COL26A1: variants seen among roughly 807,000 people sequenced by gnomAD.
COL26A1 encodes the protein collagen type XXVI alpha 1 chain, also known as collagen alpha-1(XXVI) chain.
COL26A1 carries 41 observed loss-of-function variants against 59.3 expected under a neutral mutation model. The ratio of observed to expected loss-of-function variants is 0.69; its 90% CI spans 0.54 to 0.90. The LOEUF (loss-of-function observed/expected upper bound fraction) is 0.90. Ranked by LOEUF, COL26A1 falls within the 40% of genes least tolerant of loss-of-function variation. COL26A1 has a pLI of 0.00. For synonymous variants in COL26A1, 266 were observed against 256.0 expected (o/e 1.04, Z -0.37); for missense variants, 612 against 602.3 (o/e 1.02, Z -0.17).
intron 2 of COL26A1, among the ~76,000 whole-genome samples, chr7:101,436,553 G>A (rs887395153): frequency 2.6e-5 from 4 of 151,988 alleles, no homozygotes; most frequent in Admixed American, 6.6e-5. Flanking sequence ...GAGTCATTCT[G>A]AGCAGGCGAT....
intron 1 of COL26A1, among the ~76,000 whole-genome samples, chr7:101,417,964 A>G (rs967815230): frequency 1.3e-5 from 2 of 151,960 alleles, no homozygotes; most frequent in African/African-American, 4.8e-5. Context: ...ACCTCAGGTG[A>G]TCCGCCCACT....
chr7:101,436,233 G>A (rs1332701762), intron 2 of COL26A1, among the ~76,000 whole-genome samples: 1 of 152,166 alleles, frequency 6.6e-6, no homozygotes, highest in Non-Finnish European at 1.5e-5. Context: ...GTCTAGCTTG[G>A]ATTCTGGGGA....
intron 3 of COL26A1, among the ~76,000 whole-genome samples, chr7:101,497,272 G>T (rs1794609753): frequency 6.6e-6 from 1 of 151,814 alleles, no homozygotes; most frequent in Non-Finnish European, 1.5e-5. Flanking sequence ...CTGGAAACAT[G>T]ACATGTGACC....
At chr7:101,372,551 CAG>C (rs1379983335) in intron 1 of COL26A1, among the ~76,000 whole-genome samples, 2 of 152,158 alleles carry the variant, frequency 1.3e-5, no homozygotes, top group African/African-American at 4.8e-5. Context: ...GAGGACTTCT[CAG>C]AGGAGTCAAC....
intron 3 of COL26A1, among the ~76,000 whole-genome samples, chr7:101,515,715 A>G (rs1795015111): frequency 6.6e-6 from 1 of 151,700 alleles, no homozygotes; most frequent in Admixed American, 6.6e-5. Flanking sequence ...CAGCCTCCCA[A>G]GTAGCTGGGA....
At chr7:101,516,180 G>A (rs1218078787) in intron 3 of COL26A1, among the ~76,000 whole-genome samples, 2 of 152,208 alleles carry the variant, frequency 1.3e-5, no homozygotes, top group Non-Finnish European at 2.9e-5. Flanking sequence ...TCTGTACGAA[G>A]AAAGGGCTGA....
At chr7:101,556,952 AGTGGATAGGTGGGTGG>A (rs978599314) in intron 12 of COL26A1, among the ~76,000 whole-genome samples, 1 of 145,910 alleles carries the variant, frequency 6.9e-6, no homozygotes, top group Non-Finnish European at 1.5e-5. Flanking sequence ...TGAATCAATG[AGTGGATAGGTGGGTGG>A]GTGGATAAGT....
At chr7:101,465,100 C>T (rs73398914) in intron 3 of COL26A1, among the ~76,000 whole-genome samples, 5,331 of 143,674 alleles carry the variant, frequency 0.037, 329 homozygotes, top group African/African-American at 0.13. Context: ...TGTGGTAGTG[C>T]GACGATAGCT....
chr7:101,452,083 G>A (rs1793354035), intron 3 of COL26A1, among the ~76,000 whole-genome samples: 2 of 152,192 alleles, frequency 1.3e-5, no homozygotes, highest in African/African-American at 2.4e-5. Context: ...TGCATAGTGA[G>A]CGGTAACTCA....
intron 3 of COL26A1, among the ~76,000 whole-genome samples, chr7:101,473,287 C>T (rs1208341600): frequency 3.3e-5 from 5 of 151,370 alleles, no homozygotes; most frequent in African/African-American, 7.3e-5. Context: ...CACCATTCAC[C>T]GCATGGTCTT....
chr7:101,550,057 A>G (rs2130678034), intron 9 of COL26A1, among the ~76,000 whole-genome samples: 1 of 152,332 alleles, frequency 6.6e-6, no homozygotes, highest in Non-Finnish European at 1.5e-5. Flanking sequence ...GATGAGGCAC[A>G]GTGGGCAGGG....
intron 1 of COL26A1, among the ~76,000 whole-genome samples, chr7:101,410,491 A>C (rs1481344316): frequency 6.6e-6 from 1 of 152,220 alleles, no homozygotes; most frequent in Non-Finnish European, 1.5e-5. Context: ...GAAGGTAGTG[A>C]ATTATTAGTG....
chr7:101,428,401 A>C (rs529872094), intron 2 of COL26A1, among the ~76,000 whole-genome samples: 1 of 151,700 alleles, frequency 6.6e-6, no homozygotes, highest in Admixed American at 6.6e-5. Context: ...TTATTTGAGA[A>C]TGGGCATTGC....
At chr7:101,550,858 C>T (rs926212972) in intron 9 of COL26A1, among the ~76,000 whole-genome samples, 5 of 152,226 alleles carry the variant, frequency 3.3e-5, no homozygotes, top group African/African-American at 1.2e-4. Context: ...GACAGCCGTA[C>T]GTGGCATTGG....
intron 2 of COL26A1, among the ~76,000 whole-genome samples, chr7:101,445,798 G>A (rs1400965710): frequency 2.2e-5 from 3 of 137,456 alleles, no homozygotes; most frequent in African/African-American, 5.4e-5. Context: ...GTCTGTAATC[G>A]CAGCGCTTTG....
intron 4 of COL26A1, among the ~76,000 whole-genome samples, chr7:101,535,654 T>G (rs552360352): frequency 1.3e-5 from 2 of 152,262 alleles, no homozygotes; most frequent in East Asian, 3.9e-4. Context: ...CCTCGAGGGC[T>G]GGAGGGAGGG....
intron 1 of COL26A1, among the ~76,000 whole-genome samples, chr7:101,414,550 G>A (rs543259327): frequency 8.2e-4 from 125 of 152,024 alleles, no homozygotes; most frequent in African/African-American, 2.8e-3. Flanking sequence ...CAATTCTCCC[G>A]CCTCAGCCTC....
intron 3 of COL26A1, among the ~76,000 whole-genome samples, chr7:101,468,491 G>T (rs547062700): frequency 3.7e-4 from 57 of 152,190 alleles, no homozygotes; most frequent in Non-Finnish European, 6.2e-4. Context: ...GCTGGGGAAG[G>T]GGCACCTTGG....
chr7:101,523,069 T>A (rs1208473774), intron 3 of COL26A1, among the ~76,000 whole-genome samples: 3 of 151,562 alleles, frequency 2.0e-5, no homozygotes, highest in African/African-American at 7.3e-5. Flanking sequence ...TGAAAAGAAA[T>A]TCTTTTTTTT....
Sources: gnomAD v4.1 joint callset for allele counts (sites outside exome capture counted in the v4.1 genomes callset) on GRCh38, gnomAD v4.1.1 for gene constraint, MANE v1.5 for transcripts, NCBI Gene and HGNC (gene_info 2026-07-23, HGNC 2026-07-21) for gene names.